ULK4: variants seen among roughly 807,000 people sequenced by gnomAD.
ULK4 encodes the protein unc-51 like kinase 4.
Under a neutral mutation model 160.6 loss-of-function variants are expected in ULK4, and 133 were observed. The ratio of observed to expected loss-of-function variants is 0.83; its 90% CI spans 0.72 to 0.96. The LOEUF is 0.96. Among genes scored for constraint, ULK4 ranks in the 40% least tolerant of loss-of-function variants. ULK4 has a pLI of 0.00. For missense variants in ULK4, 1,580 were observed against 1,499.5 expected (o/e 1.05, Z -0.89); for synonymous variants, 534 against 539.8 (o/e 0.99, Z 0.15).
chr3:41,831,540 T>TTTTTTTTTTTTTTTTC, intron 18 of ULK4, among the ~76,000 whole-genome samples: 1 of 138,900 alleles, frequency 7.2e-6, no homozygotes, highest in African/African-American at 3.3e-5. Flanking sequence ...TATTTTTTTT[T>TTTTTTTTTTTTTTTTC]CTTTCTTAAA....
chr3:41,333,354 T>A (rs2080487009), intron 35 of ULK4, among the ~76,000 whole-genome samples: 1 of 152,234 alleles, frequency 6.6e-6, no homozygotes, highest in Admixed American at 6.5e-5. Flanking sequence ...GTGATTGGGA[T>A]ACCTTTTACA....
chr3:41,280,542 C>T (rs1345242373), intron 35 of ULK4, among the ~76,000 whole-genome samples: 1 of 152,178 alleles, frequency 6.6e-6, no homozygotes, highest in Non-Finnish European at 1.5e-5. Context: ...ACTGAACAAC[C>T]TGCTCCTGAG....
chr3:41,788,769 A>C (rs887547975), intron 21 of ULK4, among the ~76,000 whole-genome samples: 4 of 152,200 alleles, frequency 2.6e-5, no homozygotes, highest in African/African-American at 9.6e-5. Flanking sequence ...GAGAATTCAC[A>C]ATCACAATAC....
In ULK4 at chr3:41,959,527, A is replaced by T. The variant is rs556553538; in HGVS notation, c.-49+2489T>A. 1.9e-4 allele frequency among the ~76,000 whole-genome samples: 28 copies of T among 149,660 alleles called. No homozygotes were observed. In the South Asian group the frequency reaches 2.3e-3, roughly 12 times the overall value. On this transcript the variant is annotated intron_variant, in intron 1 of 36. Coordinates refer to ENST00000301831, the MANE Select transcript of ULK4 (RefSeq NM_017886.4). ...GTGACAAGAGACTCCATATCAAAAA[A>T]AATAATAATAATTAATTAATTAAAA... is the stretch of plus-strand genomic sequence containing the variant.
chr3:41,885,345 T>TA (rs1697680179), intron 16 of ULK4, among the ~76,000 whole-genome samples: 2 of 152,226 alleles, frequency 1.3e-5, no homozygotes, highest in African/African-American at 2.4e-5. Flanking sequence ...CTTATACTTT[T>TA]AAAATAGAAA....
At chr3:41,900,381 G>C (rs1698309061) in intron 13 of ULK4, among the ~76,000 whole-genome samples, 1 of 152,142 alleles carries the variant, frequency 6.6e-6, no homozygotes, top group African/African-American at 2.4e-5. Flanking sequence ...ATTCACATTA[G>C]TGCATACGGA....
At chr3:41,724,689 C>T (rs558468379) in intron 22 of ULK4, among the ~76,000 whole-genome samples, 22 of 152,110 alleles carry the variant, frequency 1.4e-4, no homozygotes, top group African/African-American at 4.1e-4. Context: ...CACCACTGCA[C>T]GCCAGCCTGG....
rs115435144 is a variant in ULK4, at chr3:41,476,587, C to T, written c.3227-13334G>A. ...ATATGGCATAGCCAGAGGCCTGACC[C>T]CTGGGAAACATTAAGCCATTCCTTT... On this transcript the variant is annotated intron_variant, in intron 32 of 36. Coordinates refer to ENST00000301831, the MANE Select transcript of ULK4 (RefSeq NM_017886.4). Among the ~76,000 whole-genome samples the T allele has an allele frequency of 7.9e-4, 120 of 152,236 alleles. 1 individual carries two copies. The highest frequency in any genetic ancestry group is 2.9e-3 in the African/African-American group (119 of 41,538).
intron 16 of ULK4, among the ~76,000 whole-genome samples, chr3:41,885,920 T>C (rs949827636): frequency 6.6e-6 from 1 of 152,144 alleles, no homozygotes; most frequent in African/African-American, 2.4e-5. Flanking sequence ...TCAAGTGATC[T>C]GCCCACCTCA....
At chr3:41,779,804 G>A (rs1219210083) in intron 21 of ULK4, among the ~76,000 whole-genome samples, 1 of 89,574 alleles carries the variant, frequency 1.1e-5, no homozygotes, top group African/African-American at 5.1e-5. Flanking sequence ...TTGGACACAG[G>A]AAGGGGAATA....
chr3:41,373,935 T>TA (rs1333997358), intron 35 of ULK4, among the ~76,000 whole-genome samples: 1 of 151,952 alleles, frequency 6.6e-6, no homozygotes, highest in Non-Finnish European at 1.5e-5. Context: ...ATAGATGCAA[T>TA]AAAAAATGAT....
At chr3:41,722,825 T>C (rs533207331) in intron 22 of ULK4, among the ~76,000 whole-genome samples, 29 of 152,294 alleles carry the variant, frequency 1.9e-4, no homozygotes, top group Non-Finnish European at 3.1e-4. Flanking sequence ...TAACCCATCA[T>C]CCTACTAAAA....
At chr3:41,675,334 A>G (rs1480561613) in intron 29 of ULK4, among the ~76,000 whole-genome samples, 3 of 151,988 alleles carry the variant, frequency 2.0e-5, no homozygotes, top group African/African-American at 7.2e-5. Context: ...TCACACCTAT[A>G]ATCCCAGCAC....
chr3:41,271,172 T>C (rs1476269774), intron 35 of ULK4, among the ~76,000 whole-genome samples: 3 of 152,068 alleles, frequency 2.0e-5, no homozygotes. Context: ...AGTGAATATA[T>C]CCATCATTCC....
At chr3:41,690,306 G>A (rs1282366483) in intron 27 of ULK4, among the ~76,000 whole-genome samples, 1 of 151,434 alleles carries the variant, frequency 6.6e-6, no homozygotes, top group Non-Finnish European at 1.5e-5. Context: ...TAGGGGGAGT[G>A]GGGAGGGATA....
intron 32 of ULK4, among the ~76,000 whole-genome samples, chr3:41,483,383 T>C (rs2125899013): frequency 6.6e-6 from 1 of 152,338 alleles, no homozygotes; most frequent in African/African-American, 2.4e-5. Context: ...CCATGGAATA[T>C]GAAGACGAAG....
At chr3:41,672,847 T>C (rs1425713722) in intron 29 of ULK4, among the ~76,000 whole-genome samples, 1 of 152,152 alleles carries the variant, frequency 6.6e-6, no homozygotes, top group African/African-American at 2.4e-5. Context: ...CCAAAATTTT[T>C]ATTTTTTGAG....
intron 29 of ULK4, among the ~76,000 whole-genome samples, chr3:41,668,321 T>A (rs140518481): frequency 1.6e-3 from 245 of 152,298 alleles, no homozygotes; most frequent in African/African-American, 5.5e-3. Flanking sequence ...ATATAAAGAA[T>A]ACACGTATAC....
chr3:41,588,530 A>G (rs976052670), intron 31 of ULK4, among the ~76,000 whole-genome samples: 1 of 152,188 alleles, frequency 6.6e-6, no homozygotes, highest in Admixed American at 6.5e-5. Flanking sequence ...AAAGAGTGGC[A>G]AGAGAGGCCC....
Sources: gnomAD v4.1 joint callset for allele counts (sites outside exome capture counted in the v4.1 genomes callset) on GRCh38, gnomAD v4.1.1 for gene constraint, MANE v1.5 for transcripts, NCBI Gene and HGNC (gene_info 2026-07-23, HGNC 2026-07-21) for gene names.